Variants in SPATA16 observed in about 807,000 individuals in gnomAD.
The protein encoded by SPATA16 is spermatogenesis associated 16.
In SPATA16, 36 loss-of-function variants were observed where a neutral mutation model predicts 63.3. The ratio of observed to expected loss-of-function variants is 0.57; its 90% CI spans 0.44 to 0.75. The LOEUF is 0.75. Among genes scored for constraint, SPATA16 ranks in the 30% least tolerant of loss-of-function variants. SPATA16 has a pLI of 0.00. For synonymous variants in SPATA16, 203 were observed against 216.7 expected, an observed-to-expected ratio of 0.94 and a Z score of 0.56; for missense variants, 646 against 679.3, an observed-to-expected ratio of 0.95 and a Z score of 0.54.
rs566822625 is a variant in SPATA16, at chr3:173,013,683, C to T, written c.848+5803G>A. Among the ~76,000 whole-genome samples, 17 of 152,304 alleles carry T rather than the reference C, an allele frequency of 1.1e-4. 1 individual carries two copies. The highest frequency in any genetic ancestry group is 7.8e-4 in the Admixed American group (12 of 15,304). On this transcript the variant is annotated intron_variant, in intron 4 of 10. Transcript: ENST00000351008. ...TCCATTATCTTGGTTTGCCTAGGCACGGGCTTATCCCATAACCTTCACTAT... is the reference window on the plus strand; with the variant it reads ...TCCATTATCTTGGTTTGCCTAGGCATGGGCTTATCCCATAACCTTCACTAT...
intron 4 of SPATA16, among the ~76,000 whole-genome samples, chr3:172,992,919 CT>C: frequency 6.6e-6 from 1 of 152,248 alleles, no homozygotes; most frequent in African/African-American, 2.4e-5. Context: ...AAAGCAAAGT[CT>C]TTTACAGAAA....
At chr3:172,976,841 C>A (rs554790432) in intron 5 of SPATA16, 127 bp downstream of exon 5, 1 of 757,464 alleles carries the variant, frequency 1.3e-6, no homozygotes, top group Non-Finnish European at 2.3e-6. Flanking sequence ...CATTATTATT[C>A]AGTACCTTCT....
rs1731922606 is a variant in SPATA16, at chr3:172,892,872, G to T, written c.1588-3180C>A. Among the ~76,000 whole-genome samples, 4 of 152,166 alleles carry T rather than the reference G, an allele frequency of 2.6e-5. No individual in the cohort carries two copies. The South Asian group carries it at 8.3e-4, about 32-fold the overall frequency. ...CATTCTGGGTCTAATTTTCCCCGTTGAAAAATGGGCAGATAACTTTTTTTG... is the reference window on the plus strand; with the variant it reads ...CATTCTGGGTCTAATTTTCCCCGTTTAAAAATGGGCAGATAACTTTTTTTG... On this transcript the variant is annotated intron_variant, in intron 10 of 10. Coordinates refer to ENST00000351008, the MANE Select transcript of SPATA16 (RefSeq NM_031955.6).
Position 173,117,097 on chromosome 3 carries a change from C to G in SPATA16, c.612+23G>C, listed in dbSNP as rs556390572. 5.0e-6 allele frequency: 8 copies of G among 1,610,172 alleles called. No individual in the cohort carries two copies. In the East Asian group the frequency reaches 1.6e-4, roughly 31 times the overall value. ...CATTTCATAGTTTCCTGTCACCAAT[C>G]TATATTTTCTTTAATCCCATACCTC... is the stretch of plus-strand genomic sequence containing the variant. On this transcript the variant is annotated intron_variant, in intron 2 of 10. Coordinates refer to ENST00000351008, the MANE Select transcript of SPATA16 (RefSeq NM_031955.6).
At chr3:173,052,859 T>C (rs958737357) in intron 2 of SPATA16, among the ~76,000 whole-genome samples, 2 of 152,196 alleles carry the variant, frequency 1.3e-5, no homozygotes, top group African/African-American at 4.8e-5. Flanking sequence ...ATAAAAACTT[T>C]TAAATTACCT....
intron 2 of SPATA16, among the ~76,000 whole-genome samples, chr3:173,058,814 A>T (rs1392507762): frequency 1.3e-5 from 2 of 151,996 alleles, no homozygotes; most frequent in Non-Finnish European, 2.9e-5. Flanking sequence ...ATGTTTTGTT[A>T]TTGGGCTTAT....
chr3:173,111,517 G>A (rs1192268619), intron 2 of SPATA16, among the ~76,000 whole-genome samples: 1 of 152,150 alleles, frequency 6.6e-6, no homozygotes, highest in Non-Finnish European at 1.5e-5. Context: ...GACAGCTCAG[G>A]CACTCAGAGA....
chr3:173,091,246 CTAA>C (rs1291605492), intron 2 of SPATA16, among the ~76,000 whole-genome samples: 1 of 151,988 alleles, frequency 6.6e-6, no homozygotes, highest in Non-Finnish European at 1.5e-5. Context: ...ACTTAGTAGA[CTAA>C]TGTCAGTAAG....
chr3:172,952,938 C>CAAAAAAAA (rs60404306), intron 6 of SPATA16, among the ~76,000 whole-genome samples: 22 of 77,910 alleles, frequency 2.8e-4, no homozygotes, highest in African/African-American at 4.7e-4. Context: ...GACTCCATCT[C>CAAAAAAAA]AAAAAAAAAA....
intron 4 of SPATA16, among the ~76,000 whole-genome samples, chr3:173,003,142 A>G (rs1577126977): frequency 6.6e-6 from 1 of 152,186 alleles, no homozygotes. Context: ...AACACATATT[A>G]CCAAAAATTA....
At chr3:173,080,541 T>C (rs370321052) in intron 2 of SPATA16, among the ~76,000 whole-genome samples, 2 of 152,036 alleles carry the variant, frequency 1.3e-5, no homozygotes, top group Non-Finnish European at 2.9e-5. Flanking sequence ...GACGGGAAAG[T>C]GAGGCCCAGT....
At chr3:172,925,242 A>G in intron 7 of SPATA16, 104 bp downstream of exon 7, 2 of 1,300,090 alleles carry the variant, frequency 1.5e-6, no homozygotes, top group Non-Finnish European at 2.2e-6. Context: ...TAACTAACCC[A>G]CAAAGAAGAT....
chr3:173,074,813 C>G (rs1416734594), intron 2 of SPATA16, among the ~76,000 whole-genome samples: 2 of 151,808 alleles, frequency 1.3e-5, no homozygotes, highest in African/African-American at 4.8e-5. Flanking sequence ...GCCTGGAAAA[C>G]ATGGTGAAAT....
At chr3:172,906,007 G>C (rs1235579177) in intron 10 of SPATA16, among the ~76,000 whole-genome samples, 1 of 152,210 alleles carries the variant, frequency 6.6e-6, no homozygotes, top group East Asian at 1.9e-4. Context: ...GTTAAATGCT[G>C]ATCTTCTCAA....
intron 2 of SPATA16, among the ~76,000 whole-genome samples, chr3:173,109,805 T>C (rs145635105): frequency 6.1e-4 from 93 of 152,282 alleles, no homozygotes; most frequent in African/African-American, 2.1e-3. Flanking sequence ...CTCTACACTT[T>C]GGATCCTTGA....
chr3:172,998,245 G>C (rs1249781543), intron 4 of SPATA16, among the ~76,000 whole-genome samples: 1 of 151,976 alleles, frequency 6.6e-6, no homozygotes, highest in Non-Finnish European at 1.5e-5. Context: ...TATAGATCTT[G>C]TACATAGTTT....
chr3:173,050,204 G>A (rs1736053276), intron 2 of SPATA16, among the ~76,000 whole-genome samples: 1 of 152,046 alleles, frequency 6.6e-6, no homozygotes, highest in African/African-American at 2.4e-5. Flanking sequence ...ATTTGAATGT[G>A]GCTATATTCT....
intron 6 of SPATA16, among the ~76,000 whole-genome samples, chr3:172,942,977 A>G (rs1313049233): frequency 6.6e-6 from 1 of 152,212 alleles, no homozygotes; most frequent in East Asian, 1.9e-4. Context: ...AAATATTTTG[A>G]GATGAAATAC....
intron 9 of SPATA16, among the ~76,000 whole-genome samples, chr3:172,916,011 A>G (rs758614185): frequency 7.2e-5 from 11 of 152,230 alleles, no homozygotes; most frequent in East Asian, 1.9e-4. Flanking sequence ...TTATTAAACA[A>G]TCTCATTTTA....
Sources: allele counts gnomAD v4.1 joint callset (sites outside exome capture counted in the v4.1 genomes callset), GRCh38; gene constraint gnomAD v4.1.1; transcripts MANE v1.5; gene names NCBI Gene and HGNC (gene_info 2026-07-23, HGNC 2026-07-21).